Variants in BMPR2 observed in about 807,000 individuals in gnomAD.
BMPR2 encodes bone morphogenetic protein receptor type 2.
Under a neutral mutation model 100.8 loss-of-function variants are expected in BMPR2, and 29 were observed. That is an observed-to-expected ratio of 0.29 (90% CI 0.21 to 0.39). BMPR2 has a LOEUF of 0.39. BMPR2 is among the 10% of genes least tolerant of loss of function. BMPR2 has a pLI of 1.00. For synonymous variants in BMPR2, 382 were observed against 442.3 expected (o/e 0.86, Z 1.71); for missense variants, 1,011 against 1,274.5 (o/e 0.79, Z 3.15).
At chr2:202,534,349 T>A (rs1311448187) in intron 9 of BMPR2, among the ~76,000 whole-genome samples, 2 of 151,626 alleles carry the variant, frequency 1.3e-5, no homozygotes, top group African/African-American at 4.8e-5. Context: ...GGAGGGAAGG[T>A]CAGCAGATAA....
intron 9 of BMPR2, among the ~76,000 whole-genome samples, chr2:202,540,936 C>G (rs1372183902): frequency 2.0e-5 from 3 of 151,976 alleles, no homozygotes; most frequent in African/African-American, 7.3e-5. Context: ...GCCATGGTTT[C>G]TACTAGATCA....
rs543776048 is a variant in BMPR2, at chr2:202,532,056, C to T, written c.1129-529C>T. ...CCGGGTTCACGCTATTTTCCTGCCT[C>T]GGCCTCCTGAGTAGCTGGGACTACA... On this transcript the variant is annotated intron_variant, in intron 8 of 12. Coordinates refer to ENST00000374580, the MANE Select transcript of BMPR2 (RefSeq NM_001204.7). This position sits in a 1 kb window ranked among gnomAD's most constrained non-coding sequence, Gnocchi z 4.1. Among the ~76,000 whole-genome samples, 4 of 149,504 alleles carry T rather than the reference C, an allele frequency of 2.7e-5. No individual in the cohort carries two copies. The highest frequency in any genetic ancestry group is 7.3e-5 in the African/African-American group (3 of 40,838).
At chr2:202,541,347 T>G (rs1414771362) in intron 9 of BMPR2, among the ~76,000 whole-genome samples, 1 of 151,712 alleles carries the variant, frequency 6.6e-6, no homozygotes, top group Non-Finnish European at 1.5e-5. Flanking sequence ...GGGAGGCCAC[T>G]TGAGTGCAGG....
chr2:202,413,862 A>G (rs549685829), intron 1 of BMPR2, among the ~76,000 whole-genome samples: 23 of 152,188 alleles, frequency 1.5e-4, no homozygotes, highest in African/African-American at 5.3e-4. Flanking sequence ...ATGAGGTTTC[A>G]CCATGTTGCC....
rs113648759 is a variant in BMPR2, at chr2:202,430,275, G to A, written c.77-34534G>A. On this transcript the variant is annotated intron_variant, in intron 1 of 12. Coordinates refer to ENST00000374580, the MANE Select transcript of BMPR2 (RefSeq NM_001204.7). ...AGGGCTTCATTATATGAATTTTGGG[G>A]GAACACAGTTCAGTTGTAGCAGTAT... Among the ~76,000 whole-genome samples, 527 of 152,238 alleles carry A rather than the reference G, an allele frequency of 3.5e-3. 3 individuals are homozygous for A. The highest frequency in any genetic ancestry group is 0.011 in the African/African-American group (445 of 41,544).
At chr2:202,472,194 TTTG>T (rs1692450483) in intron 3 of BMPR2, among the ~76,000 whole-genome samples, 1 of 152,212 alleles carries the variant, frequency 6.6e-6, no homozygotes, top group Admixed American at 6.5e-5. Context: ...TTTCCTTTGA[TTTG>T]TTGATGAAGC....
At chr2:202,391,644 T>C (rs925990780) in intron 1 of BMPR2, among the ~76,000 whole-genome samples, 2 of 151,476 alleles carry the variant, frequency 1.3e-5, no homozygotes, top group African/African-American at 4.9e-5. Context: ...TGGAGTGCAG[T>C]GGTTCAATCT....
chr2:202,498,156 C>T (rs946715237), intron 3 of BMPR2, among the ~76,000 whole-genome samples: 2 of 152,148 alleles, frequency 1.3e-5, no homozygotes, highest in Admixed American at 6.6e-5. Flanking sequence ...CCAAGACTAA[C>T]AGGAGAATGC....
chr2:202,399,800 G>C (rs906840548), intron 1 of BMPR2, among the ~76,000 whole-genome samples: 2 of 152,158 alleles, frequency 1.3e-5, no homozygotes, highest in African/African-American at 4.8e-5. Context: ...AAATAGCAGA[G>C]ACTCTTTGGA....
chr2:202,546,901 C>A (rs924686518), intron 10 of BMPR2, among the ~76,000 whole-genome samples: 2 of 138,350 alleles, frequency 1.4e-5, no homozygotes, highest in Non-Finnish European at 3.1e-5. Context: ...CGTGCCCAGC[C>A]GGTGTTTTGT....
chr2:202,567,158 A>G lies in BMPR2; in HGVS notation c.*7212A>G, dbSNP rs559959647. 102 of 152,650 alleles carry G rather than the reference A, an allele frequency of 6.7e-4. No homozygotes were observed. Among genetic ancestry groups the G allele is most frequent in the African/African-American group, 2.4e-3 (99 of 41,590 alleles). The allele number at this position is 152,650 out of a possible 1,614,324, so 9.5% of individuals were successfully genotyped here. Reference sequence around the variant, plus strand: ...CTGATAATTTTTCAAATAAAGATACATGGATAATTGTAAAATACACTAACT... The same window carrying G: ...CTGATAATTTTTCAAATAAAGATACGTGGATAATTGTAAAATACACTAACT... On this transcript the variant is annotated 3_prime_UTR_variant, in exon 13 of 13. Coordinates refer to ENST00000374580, the MANE Select transcript of BMPR2 (RefSeq NM_001204.7).
chr2:202,486,443 A>G (rs566098435), intron 3 of BMPR2, among the ~76,000 whole-genome samples: 10 of 152,294 alleles, frequency 6.6e-5, no homozygotes, highest in Admixed American at 5.9e-4. Flanking sequence ...AGCCTGGCCA[A>G]CATGGCGAAA....
At chr2:202,478,961 C>A (rs911500508) in intron 3 of BMPR2, among the ~76,000 whole-genome samples, 2 of 151,982 alleles carry the variant, frequency 1.3e-5, no homozygotes, top group African/African-American at 4.8e-5. Flanking sequence ...AGAAAAAAAT[C>A]AAAAGTGTAT....
chr2:202,381,112 C>A (rs1437218168), intron 1 of BMPR2, among the ~76,000 whole-genome samples: 2 of 151,286 alleles, frequency 1.3e-5, no homozygotes, highest in Non-Finnish European at 2.9e-5. Flanking sequence ...GTAGCTGGGA[C>A]TACAGGTGTG....
At chr2:202,419,370 T>A (rs2105922578) in intron 1 of BMPR2, among the ~76,000 whole-genome samples, 1 of 152,308 alleles carries the variant, frequency 6.6e-6, no homozygotes, top group South Asian at 2.1e-4. Flanking sequence ...TATTTTCTAT[T>A]TTTTGAGATA....
chr2:202,475,330 G>A (rs970025895), intron 3 of BMPR2, among the ~76,000 whole-genome samples: 8 of 151,930 alleles, frequency 5.3e-5, no homozygotes, highest in Non-Finnish European at 1.2e-4. Flanking sequence ...CACCACGCCC[G>A]GCCACATTTT....
rs955235449 is a variant in BMPR2 at position 202,495,684 on chromosome 2, A to G, written c.419-18035A>G. ...TTCTCTACCCATTACTTACCTCCCC[A>G]CTTCCGTGTCATTTAAGGAGGGCAC... is the stretch of plus-strand genomic sequence containing the variant. On this transcript the variant is annotated intron_variant, in intron 3 of 12. Coordinates refer to ENST00000374580, the MANE Select transcript of BMPR2 (RefSeq NM_001204.7). The surrounding 1 kb of genome is among the most constrained non-coding windows in gnomAD (Gnocchi z 4.5). Among the ~76,000 whole-genome samples the G allele has an allele frequency of 6.6e-6, 1 of 151,606 alleles. No individual in the cohort carries two copies. Among genetic ancestry groups the G allele is most frequent in the Non-Finnish European group, 1.5e-5 (1 of 67,888 alleles).
At chr2:202,475,515 A>G (rs1692528886) in intron 3 of BMPR2, among the ~76,000 whole-genome samples, 2 of 152,192 alleles carry the variant, frequency 1.3e-5, no homozygotes, top group South Asian at 2.1e-4. Context: ...TGCAGTAGTA[A>G]CAAAATTCCA....
At position 202,520,117 on chromosome 2, in the gene BMPR2, A is replaced by C. The variant is rs369545039; in HGVS notation, c.883A>C (p.Thr295Pro). ...GSLCKYLSLH[T>P]SDWVSSCRLA... ...TTTATGCAAGTATTTAAGTCTCCAC[A>C]CAAGTGACTGGGTAAGCTCTTGCCG... Residue 295 changes from threonine (T) to proline (P), a missense_variant, in exon 7 of 13, where the codon ACA becomes CCA. Thr to Pro is a conservative substitution (Grantham distance 38). Coordinates refer to ENST00000374580, the MANE Select transcript of BMPR2 (RefSeq NM_001204.7). The C allele has an allele frequency of 5.6e-6, 9 of 1,613,028 alleles. No homozygotes were observed. The highest frequency in any genetic ancestry group is 7.6e-6 in the Non-Finnish European group (9 of 1,179,862).
Sources: gnomAD v4.1 joint callset for allele counts (sites outside exome capture counted in the v4.1 genomes callset) on GRCh38, gnomAD v4.1.1 for gene constraint, Gnocchi (gnomAD v3.1) non-coding constraint, MANE v1.5 for transcripts, NCBI Gene and HGNC (gene_info 2026-07-23, HGNC 2026-07-21) for gene names.